ABCB4: variants seen among roughly 807,000 people sequenced by gnomAD.
ABCB4 encodes the protein ATP binding cassette subfamily B member 4.
In ABCB4, 76 loss-of-function variants were observed where a neutral mutation model predicts 145.7. The observed-to-expected ratio is 0.52, with a 90% CI of 0.43 to 0.63. ABCB4 has a LOEUF of 0.63. ABCB4 is among the 30% of genes least tolerant of loss of function. ABCB4 has a pLI of 0.00. For synonymous variants in ABCB4, 517 were observed against 566.8 expected (o/e 0.91, Z 1.25); for missense variants, 1,234 against 1,553.1 (o/e 0.79, Z 3.45).
the ABCB4 span, among the ~76,000 whole-genome samples, chr7:87,389,795 C>A: frequency 2.7e-5 from 4 of 146,876 alleles, no homozygotes; most frequent in Non-Finnish European, 4.5e-5. Context: ...GCAAAGCCTT[C>A]AAATAGATGT....
intron 27 of ABCB4, 23 bp downstream of exon 27, chr7:87,403,112 A>G (rs780981344): frequency 5.6e-6 from 9 of 1,613,476 alleles, no homozygotes; most frequent in Non-Finnish European, 1.7e-6. Flanking sequence ...TAAATAAGAC[A>G]TAAGTTGGGA....
chr7:87,373,584 T>C, the ABCB4 span, among the ~76,000 whole-genome samples: 1 of 152,152 alleles, frequency 6.6e-6, no homozygotes, highest in Non-Finnish European at 1.5e-5. Context: ...TGTTTAAATA[T>C]ACATTTAGTT....
Position 87,419,985 on chromosome 7 carries a change from C to A in ABCB4, c.2394+13G>T. On this transcript the variant is annotated intron_variant, in intron 19 of 27. Transcript: ENST00000649586. Reference sequence around the variant, plus strand: ...TGAAAGATCAGAAGGCATTCTCCAGCGCACACTCCTACCTGTCTTAGCATT... The same window carrying A: ...TGAAAGATCAGAAGGCATTCTCCAGAGCACACTCCTACCTGTCTTAGCATT... 1.2e-6 allele frequency: 2 copies of A among 1,612,728 alleles called. No individual in the cohort carries two copies. Among genetic ancestry groups the A allele is most frequent in the Non-Finnish European group, 1.7e-6 (2 of 1,178,828 alleles).
chr7:87,371,329 A>G, the ABCB4 span, among the ~76,000 whole-genome samples: 1 of 152,230 alleles, frequency 6.6e-6, no homozygotes, highest in Admixed American at 6.5e-5. Context: ...TTAATCAACA[A>G]TAAATGTAAT....
rs774282226 is a variant in ABCB4 at position 87,426,870 on chromosome 7, C to T, written c.1944G>A (p.Lys648=). Residue 648 remains lysine, a synonymous_variant, in exon 16 of 28, where the codon AAG becomes AAA. Transcript: ENST00000649586. ...CATTTGGGGCCATTCTAGTGGCAGCCTTTTCATCATTTAGTTCAAATTCTT... is the reference window on the plus strand; with the variant it reads ...CATTTGGGGCCATTCTAGTGGCAGCTTTTTCATCATTTAGTTCAAATTCTT... ...QSEEFELNDE[K]AATRMAPNGW... The T allele has an allele frequency of 1.2e-6, 2 of 1,613,410 alleles. No individual in the cohort carries two copies. Among genetic ancestry groups the T allele is most frequent in the African/African-American group, 2.7e-5 (2 of 74,720 alleles).
chr7:87,460,121 G>A (rs368125632), intron 4 of ABCB4, among the ~76,000 whole-genome samples: 1 of 152,084 alleles, frequency 6.6e-6, no homozygotes, highest in African/African-American at 2.4e-5. Context: ...ACCCAGCTCC[G>A]CATCTGGAAG....
intron 21 of ABCB4, among the ~76,000 whole-genome samples, chr7:87,415,215 A>C (rs1808884238): frequency 6.7e-6 from 1 of 149,908 alleles, no homozygotes; most frequent in Admixed American, 6.7e-5. Context: ...TTCCCTCCCC[A>C]CTCCCTGCCC....
intron 3 of ABCB4, among the ~76,000 whole-genome samples, chr7:87,464,441 C>G (rs530505494): frequency 2.0e-5 from 3 of 152,188 alleles, no homozygotes; most frequent in Non-Finnish European, 4.4e-5. Context: ...CCCAAAGGTT[C>G]ATTTTTAGTG....
chr7:87,384,352 C>T, the ABCB4 span, among the ~76,000 whole-genome samples: 9 of 151,910 alleles, frequency 5.9e-5, no homozygotes, highest in Admixed American at 3.9e-4. Flanking sequence ...GCCAACATAG[C>T]GAAACCCTGT....
chr7:87,403,319 T>A, intron 26 of ABCB4, 38 bp from the exon 27 acceptor site: 1 of 1,583,042 alleles, frequency 6.3e-7, no homozygotes, highest in Middle Eastern at 1.8e-4. Context: ...TTGAATGAAC[T>A]GTTGCTTAAC....
Position 87,443,684 on chromosome 7 carries a change from G to A in ABCB4, c.1209C>T (p.Tyr403=). The A allele has an allele frequency of 6.2e-7, 1 of 1,613,812 alleles. No individual in the cohort carries two copies. Among genetic ancestry groups the A allele is most frequent in the Middle Eastern group, 1.6e-4 (1 of 6,062 alleles). The stretch of plus-strand genomic sequence containing the variant: ...GTACCTTGACGTTAGCTCGAGAAGG[G>A]TAAGAAAAGTGAACATCATTGAACT... ...NLEFNDVHFS[Y]PSRANVKILK... The change falls in exon 11 of 28, where the codon TAC becomes TAT. Residue 403 remains tyrosine, a synonymous_variant. Transcript: ENST00000649586.
chr7:87,422,528 C>T (rs942855567), intron 17 of ABCB4, among the ~76,000 whole-genome samples: 2 of 152,218 alleles, frequency 1.3e-5, no homozygotes, highest in Non-Finnish European at 2.9e-5. Flanking sequence ...CCCATTCCCT[C>T]CTCCTCCCAG....
At chr7:87,455,401 A>G (rs549199955) in intron 4 of ABCB4, among the ~76,000 whole-genome samples, 3 of 152,380 alleles carry the variant, frequency 2.0e-5, no homozygotes, top group Non-Finnish European at 4.4e-5. Flanking sequence ...TGAATACTTT[A>G]GGTGTGTTAA....
intron 3 of ABCB4, among the ~76,000 whole-genome samples, chr7:87,463,824 C>T (rs139210366): frequency 3.7e-4 from 57 of 152,268 alleles, no homozygotes; most frequent in African/African-American, 1.3e-3. Context: ...CAAGAACTAA[C>T]CAGCAGTTCA....
the ABCB4 span, chr7:87,376,057 G>C: frequency 8.9e-7 from 1 of 1,129,074 alleles, no homozygotes; most frequent in Non-Finnish European, 1.2e-6. Context: ...TTAGGCTCTT[G>C]AAACTTTTTC....
chr7:87,452,952 C>T lies in ABCB4; in HGVS notation c.528G>A (p.Arg176=). ...ATTAACAATGTACCTACTCTGTTAGCCGCGTATTGAGTTCAGTGGTGTCGT... is the reference window on the plus strand; with the variant it reads ...ATTAACAATGTACCTACTCTGTTAGTCGCGTATTGAGTTCAGTGGTGTCGT... ...DINDTTELNT[R]LTDDISKISE... is the part of the protein sequence containing the mutation. Residue 176 remains arginine (R), a synonymous_variant, in exon 6 of 28, where the codon CGG becomes CGA. Coordinates refer to ENST00000649586, the MANE Select transcript of ABCB4 (RefSeq NM_000443.4). The T allele has an allele frequency of 6.2e-7, 1 of 1,613,848 alleles. No homozygotes were observed. Among genetic ancestry groups the T allele is most frequent in the Non-Finnish European group, 8.5e-7 (1 of 1,179,828 alleles).
At chr7:87,464,106 G>A (rs140624937) in intron 3 of ABCB4, among the ~76,000 whole-genome samples, 29 of 152,254 alleles carry the variant, frequency 1.9e-4, no homozygotes, top group Non-Finnish European at 4.1e-4. Flanking sequence ...TATTGGGAGA[G>A]AGGGTGATGA....
At chr7:87,393,060 G>A in the ABCB4 span, 1 of 1,613,016 alleles carries the variant, frequency 6.2e-7, no homozygotes, top group Non-Finnish European at 8.5e-7. Context: ...CCATATCAGA[G>A]ATGACAGGTG....
At position 87,406,382 on chromosome 7, in the gene ABCB4, G is replaced by C. The variant is rs1472189503; in HGVS notation, c.3392C>G (p.Ala1131Gly). 1 of 1,614,004 alleles carries C rather than the reference G, an allele frequency of 6.2e-7. No homozygotes were observed. The highest frequency in any genetic ancestry group is 1.1e-5 in the South Asian group (1 of 91,040). ...TACAACCCGGCTGTTGTCTCCATAGGCAATATTCTCGGCAATGCTGCAGTC... is the reference window on the plus strand; with the variant it reads ...TACAACCCGGCTGTTGTCTCCATAGCCAATATTCTCGGCAATGCTGCAGTC... The part of the protein sequence containing the change: ...LFDCSIAENI[A>G]YGDNSRVVSQ... The change falls in exon 26 of 28, where the codon GCC (alanine) becomes GGC (glycine). Residue 1131 changes from alanine to glycine, a missense_variant. Physicochemically the swap from Ala to Gly is moderately conservative, Grantham distance 60. Transcript: ENST00000649586.
Sources: gnomAD v4.1 joint callset for allele counts (sites outside exome capture counted in the v4.1 genomes callset) on GRCh38, gnomAD v4.1.1 for gene constraint, MANE v1.5 for transcripts, NCBI Gene and HGNC (gene_info 2026-07-23, HGNC 2026-07-21) for gene names.